Variants in GOLGA3 observed in about 807,000 individuals in gnomAD.
GOLGA3 encodes golgin subfamily A member 3.
Under a neutral mutation model 169.4 loss-of-function variants are expected in GOLGA3, and 75 were observed. That is an observed-to-expected ratio of 0.44 (90% CI 0.37 to 0.54). The LOEUF is 0.54. GOLGA3 is among the 20% of genes least tolerant of loss of function. The pLI is 0.00. For synonymous variants in GOLGA3, 824 were observed against 822.4 expected, an observed-to-expected ratio of 1.00 and a Z score of -0.03; for missense variants, 1,899 against 1,930.0, an observed-to-expected ratio of 0.98 and a Z score of 0.30.
rs1209143224 is a variant in GOLGA3, at chr12:132,808,418, G to T, written c.651C>A (p.Val217=). Residue 217 remains valine, a synonymous_variant, in exon 5 of 24, where the codon GTC becomes GTA. Transcript: ENST00000450791. ...TKEYSFLRTS[V]PRGPKVGSLG... is the part of the protein sequence containing the mutation. ...GGCTGCCCACCTTAGGCCCCCGAGG[G>T]ACACTGGTGCGCAGGAAGGAATATT... 3 of 1,614,044 alleles carry T rather than the reference G, an allele frequency of 1.9e-6. No individual in the cohort carries two copies. The highest frequency in any genetic ancestry group is 2.5e-6 in the Non-Finnish European group (3 of 1,180,034).
At chr12:132,823,254 A>G (rs1950287888) in intron 1 of GOLGA3, among the ~76,000 whole-genome samples, 1 of 152,246 alleles carries the variant, frequency 6.6e-6, no homozygotes, top group South Asian at 2.1e-4. Flanking sequence ...TTTGCCCAAC[A>G]TTTGGCAAGT....
In GOLGA3 at chr12:132,769,543, T is replaced by C. The variant is rs1256414902; in HGVS notation, c.*3562A>G. ...CCATATTGCAGAGAGTGGGAACGGG[T>C]GTGAGTCCGTAAGACCCGTAGCATC... On this transcript the variant is annotated 3_prime_UTR_variant, in exon 24 of 24. Transcript: ENST00000450791. The C allele has an allele frequency of 6.6e-6, 1 of 152,142 alleles. No homozygotes were observed. The highest frequency in any genetic ancestry group is 1.5e-5 in the Non-Finnish European group (1 of 68,036). The allele number at this position is 152,142 out of a possible 1,614,324, so 9.4% of individuals were successfully genotyped here. A position where few individuals can be genotyped will look rare whatever the true frequency, so the allele number is the denominator to read the frequency against.
chr12:132,786,000 G>A (rs1302632634), intron 15 of GOLGA3, among the ~76,000 whole-genome samples: 2 of 152,208 alleles, frequency 1.3e-5, no homozygotes, highest in Non-Finnish European at 2.9e-5. Context: ...CCTGAGATGC[G>A]AGGAGGCGCA....
rs780749139 is a variant in GOLGA3, at chr12:132,775,198, G to C, written c.4086C>G (p.Thr1362=). The C allele has an allele frequency of 6.2e-7, 1 of 1,614,154 alleles. No homozygotes were observed. Among genetic ancestry groups the C allele is most frequent in the South Asian group, 1.1e-5 (1 of 91,084 alleles). ...KVSELKNNMK[T]LLQQNQQLKL... ...TGAGCTGCTGGTTCTGCTGGAGCAG[G>C]GTCTTCATGTTGTTCTTCAGCTCCG... The change falls in exon 22 of 24, where the codon ACC becomes ACG. Residue 1362 remains threonine (T), a synonymous_variant. Coordinates refer to ENST00000450791, the MANE Select transcript of GOLGA3 (RefSeq NM_001389683.1).
chr12:132,788,956 G>GGCCCCGCCCCAGACACCT, intron 13 of GOLGA3, 71 bp downstream of exon 13: 1 of 493,276 alleles, frequency 2.0e-6, no homozygotes, highest in Non-Finnish European at 3.0e-6. Context: ...CCCAGACACA[G>GGCCCCGCCCCAGACACCT]GCCCCACCCT....
In GOLGA3 at chr12:132,813,423, C is replaced by A. The variant is rs781601108; in HGVS notation, c.407-4G>T. 5 of 1,561,720 alleles carry A rather than the reference C, an allele frequency of 3.2e-6. No individual in the cohort carries two copies. Among genetic ancestry groups the A allele is most frequent in the Admixed American group, 3.6e-5 (2 of 55,370 alleles). ...GGCAGGGGAGAATCTGTAGAGCCTG[C>A]AGTGGGAAAAGGGCAATTTGGAAAC... is the stretch of plus-strand genomic sequence containing the variant. On this transcript the variant is annotated splice_polypyrimidine_tract_variant and splice_region_variant and intron_variant, in intron 3 of 23. Coordinates refer to ENST00000450791, the MANE Select transcript of GOLGA3 (RefSeq NM_001389683.1).
chr12:132,782,337 A>G lies in GOLGA3; in HGVS notation c.3424T>C (p.Leu1142=), dbSNP rs778605088. 6.2e-7 allele frequency: 1 copy of G among 1,614,156 alleles called. No individual in the cohort carries two copies. The highest frequency in any genetic ancestry group is 1.7e-5 in the Admixed American group (1 of 60,032). ...REHNSILETA[L]AKREADLVQL... is the part of the protein sequence containing the mutation. ...ACTAGGTCTGCCTCCCTCTTGGCCAAAGCTGTTTCTAGGATGCTGTTGTGT... is the reference window on the plus strand; with the variant it reads ...ACTAGGTCTGCCTCCCTCTTGGCCAGAGCTGTTTCTAGGATGCTGTTGTGT... Residue 1142 remains leucine (L), a synonymous_variant, in exon 17 of 24, where the codon TTG becomes CTG. Coordinates refer to ENST00000450791, the MANE Select transcript of GOLGA3 (RefSeq NM_001389683.1).
rs1243033589 is a variant in GOLGA3 at position 132,813,289 on chromosome 12, C to T, written c.519+18G>A. On this transcript the variant is annotated intron_variant, in intron 4 of 23. Transcript: ENST00000450791. Reference sequence around the variant, plus strand: ...ACAGGAAGCTTTCCATGAGCTTGTTCGGGAGAGGGAGACTCACCCTCTCCT... The same window carrying T: ...ACAGGAAGCTTTCCATGAGCTTGTTTGGGAGAGGGAGACTCACCCTCTCCT... 13 of 1,522,436 alleles carry T rather than the reference C, an allele frequency of 8.5e-6. No individual in the cohort carries two copies. Among genetic ancestry groups the T allele is most frequent in the African/African-American group, 4.1e-5 (3 of 73,100 alleles). The allele number at this position is 1,522,436 out of a possible 1,614,324, so 94.3% of individuals were successfully genotyped here.
In GOLGA3 at chr12:132,789,272, G is replaced by A. The variant is rs1006191145; in HGVS notation, c.2566C>T (p.Arg856Trp). 2.1e-5 allele frequency: 34 copies of A among 1,598,046 alleles called. No individual in the cohort carries two copies. Among genetic ancestry groups the A allele is most frequent in the African/African-American group, 2.7e-5 (2 of 74,832 alleles). Reference protein sequence around the residue: ...LQQKVMVEAYRRDATSKDQLI... With the variant: ...LQQKVMVEAYWRDATSKDQLI... ...TGGTCTTTGGAGGTGGCGTCGCGCC[G>A]GTAGGCCTCCACCATCACCTGCCAA... The change falls in exon 13 of 24, where the codon CGG becomes TGG. Residue 856 changes from arginine to tryptophan, a missense_variant. Coordinates refer to ENST00000450791, the MANE Select transcript of GOLGA3 (RefSeq NM_001389683.1).
chr12:132,798,881 G>A (rs1948999648), intron 8 of GOLGA3, among the ~76,000 whole-genome samples: 1 of 152,232 alleles, frequency 6.6e-6, no homozygotes, highest in Non-Finnish European at 1.5e-5. Context: ...CCCTCAGCCA[G>A]ACGCCCGACA....
intron 16 of GOLGA3, among the ~76,000 whole-genome samples, 200 bp from the exon 17 acceptor site, chr12:132,782,693 A>G (rs1275879505): frequency 1.3e-5 from 2 of 152,134 alleles, no homozygotes; most frequent in Non-Finnish European, 2.9e-5. Context: ...CCTGGCCAAC[A>G]TGGTGAAACC....
chr12:132,801,351 G>C (rs569189014), intron 8 of GOLGA3, among the ~76,000 whole-genome samples: 1 of 152,192 alleles, frequency 6.6e-6, no homozygotes, highest in Admixed American at 6.5e-5. Flanking sequence ...GCACGCCTGT[G>C]AGACATCACA....
At position 132,777,862 on chromosome 12, in the gene GOLGA3, C is replaced by T. The variant is rs1024081845; in HGVS notation, c.3583-57G>A. 61 of 1,588,222 alleles carry T rather than the reference C, an allele frequency of 3.8e-5. 2 individuals carry two copies. The Middle Eastern group carries it at 5.0e-4, about 13-fold the overall frequency. On this transcript the variant is annotated intron_variant, in intron 18 of 23. Coordinates refer to ENST00000450791, the MANE Select transcript of GOLGA3 (RefSeq NM_001389683.1). This position sits in a 1 kb window ranked among gnomAD's most constrained non-coding sequence, Gnocchi z 4.7. ...CTGCGTGACACCCACAGCTTTATGACGTGCCGGGCGCAGGGGGTGAATGCA... is the reference window on the plus strand; with the variant it reads ...CTGCGTGACACCCACAGCTTTATGATGTGCCGGGCGCAGGGGGTGAATGCA...
intron 11 of GOLGA3, 29 bp downstream of exon 11, chr12:132,795,823 T>G (rs763723695): frequency 6.3e-7 from 1 of 1,594,868 alleles, no homozygotes; most frequent in South Asian, 1.1e-5. Flanking sequence ...GGGTTCTGAT[T>G]CAAAACAAAA....
In GOLGA3 at chr12:132,771,258, A is replaced by G. The variant is rs1200883136; in HGVS notation, c.*1847T>C. 1.3e-5 allele frequency: 2 copies of G among 152,608 alleles called. No individual in the cohort carries two copies. The highest frequency in any genetic ancestry group is 2.9e-5 in the Non-Finnish European group (2 of 68,038). 9.5% of individuals were successfully genotyped at this position (152,608 alleles called of 1,614,324 possible). A position where few individuals can be genotyped will look rare whatever the true frequency, so the allele number is the denominator to read the frequency against. ...TTACAACAGAACACAAATAGCTTAA[A>G]ACACACCATACTGTTTTCTCCACAA... On this transcript the variant is annotated 3_prime_UTR_variant, in exon 24 of 24. Transcript: ENST00000450791.
In GOLGA3 at chr12:132,770,637, T is replaced by C. The variant is rs1471603274; in HGVS notation, c.*2468A>G. On this transcript the variant is annotated 3_prime_UTR_variant, in exon 24 of 24. Coordinates refer to ENST00000450791, the MANE Select transcript of GOLGA3 (RefSeq NM_001389683.1). ...TTTCTCGATTTTAGATTTTTTAAAA[T>C]CATTTATTTATTTTTGAGACGGAGT... The C allele has an allele frequency of 6.6e-6, 1 of 152,208 alleles. No homozygotes were observed. The highest frequency in any genetic ancestry group is 1.5e-5 in the Non-Finnish European group (1 of 68,032). The allele number at this position is 152,208 out of a possible 1,614,324, so 9.4% of individuals were successfully genotyped here. A position where few individuals can be genotyped will look rare whatever the true frequency, so the allele number is the denominator to read the frequency against.
At position 132,808,112 on chromosome 12, in the gene GOLGA3, C is replaced by T. The variant is rs745645465; in HGVS notation, c.957G>A (p.Ser319=). 30 of 1,603,220 alleles carry T rather than the reference C, an allele frequency of 1.9e-5. No individual in the cohort carries two copies. The highest frequency in any genetic ancestry group is 5.3e-5 in the African/African-American group (4 of 74,808). ...EVDGNDSDSS[S]YSSASTRGTY... is the part of the protein sequence containing the mutation. The stretch of plus-strand genomic sequence containing the variant: ...TCCCTCGGGTGGAGGCGCTGCTGTA[C>T]GATGAGCTGTCGCTGTCATTTCCAT... Residue 319 remains serine, a synonymous_variant, in exon 5 of 24, where the codon TCG becomes TCA. Transcript: ENST00000450791.
At chr12:132,812,229 A>T (rs7311784) in intron 4 of GOLGA3, among the ~76,000 whole-genome samples, 62,848 of 143,038 alleles carry the variant, frequency 0.44, 13,737 homozygotes, top group East Asian at 0.63. Flanking sequence ...ATATATATAT[A>T]TTTTTTTTAA....
At chr12:132,781,591 G>A (rs1200344864) in intron 17 of GOLGA3, among the ~76,000 whole-genome samples, 2 of 152,054 alleles carry the variant, frequency 1.3e-5, no homozygotes, top group Non-Finnish European at 2.9e-5. Flanking sequence ...ATGGTGGCTG[G>A]GAACTCAAAA....
Sources: gnomAD v4.1 joint callset for allele counts (sites outside exome capture counted in the v4.1 genomes callset) on GRCh38, gnomAD v4.1.1 for gene constraint, Gnocchi (gnomAD v3.1) non-coding constraint, MANE v1.5 for transcripts, NCBI Gene and HGNC (gene_info 2026-07-23, HGNC 2026-07-21) for gene names.